The following AGBL1 variants were observed in gnomAD, a reference collection of about 807,000 sequenced individuals.
The protein encoded by AGBL1 is cytosolic carboxypeptidase 4.
A neutral mutation model predicts 118.9 loss-of-function variants in AGBL1; 130 were observed. The ratio of observed to expected loss-of-function variants is 1.09; its 90% CI spans 0.95 to 1.26. The LOEUF is 1.26. Ranked by LOEUF, AGBL1 falls within the 50% of genes most tolerant of loss-of-function variation. The pLI is 0.00. For synonymous variants in AGBL1, 555 were observed against 478.9 expected, an observed-to-expected ratio of 1.16 and a Z score of -2.08; for missense variants, 1,584 against 1,298.1, an observed-to-expected ratio of 1.22 and a Z score of -3.38.
intron 1 of AGBL1, among the ~76,000 whole-genome samples, chr15:86,141,174 G>T (rs1166667419): frequency 1.3e-5 from 2 of 152,108 alleles, no homozygotes; most frequent in East Asian, 3.9e-4. Context: ...CTGAATTCAG[G>T]GTTCTCTTCT....
chr15:86,407,297 A>T (rs1418245517), intron 18 of AGBL1, among the ~76,000 whole-genome samples: 1 of 152,180 alleles, frequency 6.6e-6, no homozygotes, highest in African/African-American at 2.4e-5. Context: ...GTGTCTAATA[A>T]GTTTCAGAGT....
intron 23 of AGBL1, among the ~76,000 whole-genome samples, chr15:86,925,167 G>GGAGGAGGAGGAGGAGGAA (rs1451678472): frequency 8.1e-6 from 1 of 122,918 alleles, no homozygotes; most frequent in African/African-American, 3.9e-5. Flanking sequence ...AGGAGGAGGA[G>GGAGGAGGAGGAGGAGGAA]GAAGAGGAAG....
At chr15:86,196,384 C>G (rs574839277) in intron 5 of AGBL1, among the ~76,000 whole-genome samples, 1 of 152,200 alleles carries the variant, frequency 6.6e-6, no homozygotes, top group East Asian at 1.9e-4. Context: ...ATAGCAATAT[C>G]CTTAAGAAGA....
chr15:86,177,806 C>A (rs2077501227), intron 5 of AGBL1, among the ~76,000 whole-genome samples: 1 of 151,930 alleles, frequency 6.6e-6, no homozygotes, highest in Admixed American at 6.6e-5. Flanking sequence ...AATTTATAGA[C>A]CAGTAGGCAC....
intron 6 of AGBL1, among the ~76,000 whole-genome samples, chr15:86,230,211 A>G (rs964383150): frequency 6.6e-6 from 1 of 152,146 alleles, no homozygotes; most frequent in Non-Finnish European, 1.5e-5. Flanking sequence ...CCGGATCAGG[A>G]ACAGACAGCC....
At chr15:86,491,630 T>C (rs1033883615) in intron 18 of AGBL1, among the ~76,000 whole-genome samples, 5 of 151,904 alleles carry the variant, frequency 3.3e-5, no homozygotes, top group African/African-American at 7.3e-5. Context: ...AAGGGTATGG[T>C]TTTTAGAATC....
intron 21 of AGBL1, among the ~76,000 whole-genome samples, chr15:86,666,437 T>A (rs2085645921): frequency 6.6e-6 from 1 of 152,186 alleles, no homozygotes; most frequent in African/African-American, 2.4e-5. Flanking sequence ...TCAGTTGATG[T>A]CTTTAGTTTG....
chr15:86,279,792 C>T lies in AGBL1; in HGVS notation c.2220+9C>T. 1.2e-6 allele frequency: 2 copies of T among 1,613,376 alleles called. No homozygotes were observed. The highest frequency in any genetic ancestry group is 1.7e-6 in the Non-Finnish European group (2 of 1,179,478). Reference sequence around the variant, plus strand: ...CCTACACAGCCCTCATGGTAACTTCCTCTTTATAGCATCACTCCAGCAGGA... The same window carrying T: ...CCTACACAGCCCTCATGGTAACTTCTTCTTTATAGCATCACTCCAGCAGGA... On this transcript the variant is annotated intron_variant, in intron 16 of 22. Coordinates refer to ENST00000614907, the MANE Select transcript of AGBL1 (RefSeq NM_001386094.1).
At chr15:86,806,271 A>T (rs2078712836) in intron 22 of AGBL1, among the ~76,000 whole-genome samples, 1 of 152,128 alleles carries the variant, frequency 6.6e-6, no homozygotes, top group Admixed American at 6.6e-5. Context: ...GATCTCCACC[A>T]CTTCAGACTG....
intron 5 of AGBL1, among the ~76,000 whole-genome samples, chr15:86,173,867 C>T (rs1168888776): frequency 1.3e-5 from 2 of 152,032 alleles, no homozygotes; most frequent in Admixed American, 1.3e-4. Flanking sequence ...ATTTTGAAGG[C>T]AGGTAGTGTA....
chr15:86,319,735 C>A (rs911127760), intron 17 of AGBL1, among the ~76,000 whole-genome samples: 3 of 74,684 alleles, frequency 4.0e-5, no homozygotes, highest in African/African-American at 1.4e-4. Context: ...TGTTTTGCCT[C>A]TTTGGTAGTT....
rs2080569342 is a variant in AGBL1 at position 86,928,422 on chromosome 15, A to T, written c.3222-59565A>T. On this transcript the variant is annotated intron_variant, in intron 23 of 24. Transcript: ENST00000441037. ...CCCGTCTGAGTCCAAATCAATCCTG[A>T]CAATGAACCCGATTTTCTTTGAGGC... Among the ~76,000 whole-genome samples the T allele has an allele frequency of 2.0e-5, 3 of 152,152 alleles. No individual in the cohort carries two copies. In the South Asian group the frequency reaches 6.2e-4, roughly 32 times the overall value.
Position 86,830,660 on chromosome 15 carries a change from G to A in AGBL1, c.3159-76427G>A, listed in dbSNP as rs76809411. Among the ~76,000 whole-genome samples, 303 of 152,248 alleles carry A rather than the reference G, an allele frequency of 2.0e-3. 1 individual carries two copies. Among genetic ancestry groups the A allele is most frequent in the African/African-American group, 6.8e-3 (284 of 41,556 alleles). ...CAGCAACATACACTGGGCCCTCCAC[G>A]TAGCTCCATTTATTTAAAAGGCCAG... On this transcript the variant is annotated intron_variant, in intron 22 of 22. Transcript: ENST00000614907.
chr15:86,690,124 A>C (rs756065395), intron 22 of AGBL1, among the ~76,000 whole-genome samples: 2 of 152,178 alleles, frequency 1.3e-5, no homozygotes, highest in African/African-American at 2.4e-5. Context: ...CATAATGGTA[A>C]GTAAAGAGTG....
chr15:86,547,824 A>G (rs1473911729), intron 20 of AGBL1, among the ~76,000 whole-genome samples: 1 of 152,064 alleles, frequency 6.6e-6, no homozygotes, highest in Non-Finnish European at 1.5e-5. Flanking sequence ...TTATTACATC[A>G]AGTTTGTTGG....
At chr15:87,010,611 G>T (rs76613948) in intron 24 of AGBL1, among the ~76,000 whole-genome samples, 1 of 152,156 alleles carries the variant, frequency 6.6e-6, no homozygotes, top group African/African-American at 2.4e-5. Flanking sequence ...CACAACTTGC[G>T]CCATTCCCCT....
At chr15:86,469,862 C>T (rs180871972) in intron 18 of AGBL1, among the ~76,000 whole-genome samples, 17 of 152,080 alleles carry the variant, frequency 1.1e-4, no homozygotes, top group Admixed American at 1.0e-3. Flanking sequence ...ATCTGTTGGC[C>T]ATTTGTATGT....
chr15:86,083,558 C>T lies in AGBL1; in HGVS notation c.51+3535C>T, dbSNP rs1386545917. On this transcript the variant is annotated intron_variant, in intron 1 of 22. Coordinates refer to ENST00000614907, the MANE Select transcript of AGBL1 (RefSeq NM_001386094.1). ...TCAACTTGGGATCCAAGAACACCAT[C>T]TATTATGGATTATGAATGAGGCTGC... The T allele has an allele frequency of 7.9e-5, 12 of 152,050 alleles. 1 individual carries two copies. Among genetic ancestry groups the T allele is most frequent in the Admixed American group, 7.9e-4 (12 of 15,256 alleles). The allele number at this position is 152,050 out of a possible 1,614,324, so 9.4% of individuals were successfully genotyped here.
At chr15:86,693,998 C>A (rs1021291487) in intron 22 of AGBL1, among the ~76,000 whole-genome samples, 8 of 152,020 alleles carry the variant, frequency 5.3e-5, no homozygotes, top group African/African-American at 1.9e-4. Flanking sequence ...GTGACTATGG[C>A]CTTATAGTAT....
Sources: allele counts gnomAD v4.1 joint callset (sites outside exome capture counted in the v4.1 genomes callset), GRCh38; gene constraint gnomAD v4.1.1; transcripts MANE v1.5; gene names NCBI Gene and HGNC (gene_info 2026-07-23, HGNC 2026-07-21).